Variants in SPICE1 observed in about 807,000 individuals in gnomAD.
SPICE1 encodes spindle and centriole-associated protein 1.
In SPICE1, 75 loss-of-function variants were observed where a neutral mutation model predicts 102.7. The ratio of observed to expected loss-of-function variants is 0.73; its 90% CI spans 0.61 to 0.88. SPICE1 has a LOEUF of 0.88. SPICE1 is among the 40% of genes least tolerant of loss of function. The probability of loss-of-function intolerance (pLI) is 0.00; values close to 1 mark genes in which losing one functional copy is unlikely to be tolerated. For synonymous variants in SPICE1, 308 were observed against 350.3 expected (o/e 0.88, Z 1.35); for missense variants, 979 against 1,020.1 (o/e 0.96, Z 0.55).
chr3:113,462,223 C>T (rs1255429166), intron 11 of SPICE1, among the ~76,000 whole-genome samples: 1 of 152,228 alleles, frequency 6.6e-6, no homozygotes, highest in Non-Finnish European at 1.5e-5. Flanking sequence ...TCCAATAACT[C>T]CTCATGTAAT....
intron 3 of SPICE1, among the ~76,000 whole-genome samples, chr3:113,500,659 T>C (rs1174466818): frequency 6.6e-6 from 1 of 152,224 alleles, no homozygotes; most frequent in African/African-American, 2.4e-5. Context: ...AAATTTTTAA[T>C]AACTATCCTA....
chr3:113,446,606 G>C lies in SPICE1; in HGVS notation c.2497C>G (p.Leu833Val), dbSNP rs776538257. 6.2e-7 allele frequency: 1 copy of C among 1,613,536 alleles called. No individual in the cohort carries two copies. Among genetic ancestry groups the C allele is most frequent in the South Asian group, 1.1e-5 (1 of 90,946 alleles). ...ACGTGTACCTTTGCTCTTGGATTAA[G>C]AGGTGTGAATCTCCCACTTCCTGAG... Reference protein sequence around the residue: ...ATSGSGRFTPLNPRAKIEKQN... With the variant: ...ATSGSGRFTPVNPRAKIEKQN... The change falls in exon 17 of 18, where the codon CTT (leucine) becomes GTT (valine). Residue 833 changes from leucine to valine, a missense_variant. Coordinates refer to ENST00000295872, the MANE Select transcript of SPICE1 (RefSeq NM_144718.4).
chr3:113,448,192 T>C, intron 15 of SPICE1, 52 bp from the exon 16 acceptor site: 1 of 1,454,680 alleles, frequency 6.9e-7, no homozygotes, highest in Non-Finnish European at 9.3e-7. Context: ...GAAATAAAAA[T>C]TTCACTCAAT....
chr3:113,502,754 G>A (rs375398777), intron 3 of SPICE1, among the ~76,000 whole-genome samples: 12 of 151,320 alleles, frequency 7.9e-5, no homozygotes, highest in African/African-American at 2.7e-4. Context: ...AGATTTGAAC[G>A]GGTAGAGAAG....
intron 13 of SPICE1, among the ~76,000 whole-genome samples, chr3:113,454,814 A>G (rs1935743768): frequency 6.6e-6 from 1 of 152,200 alleles, no homozygotes; most frequent in Non-Finnish European, 1.5e-5. Flanking sequence ...TGGAGCCTTA[A>G]AAAGCCAGGA....
chr3:113,453,670 C>T lies in SPICE1; in HGVS notation c.1938G>A (p.Glu646=), dbSNP rs1193322161. 1.9e-6 allele frequency: 3 copies of T among 1,614,108 alleles called. No homozygotes were observed. Among genetic ancestry groups the T allele is most frequent in the Non-Finnish European group, 1.7e-6 (2 of 1,180,008 alleles). Residue 646 remains glutamate, a synonymous_variant, in exon 14 of 18, where the codon GAG becomes GAA. Transcript: ENST00000295872. ...QQSRSPTFSE[E]LPVLGDGQQL... ...GCTGCCCATCTCCCAGTACTGGGAG[C>T]TCTTCTGAGAATGTGGGGCTTCTTG...
At chr3:113,491,946 A>G (rs577044408) in intron 6 of SPICE1, among the ~76,000 whole-genome samples, 86 of 152,348 alleles carry the variant, frequency 5.6e-4, no homozygotes, top group African/African-American at 2.0e-3. Context: ...GCTTTATTCC[A>G]TGTTGCTGGG....
intron 12 of SPICE1, among the ~76,000 whole-genome samples, chr3:113,458,753 G>T (rs372250902): frequency 1.3e-5 from 2 of 151,230 alleles, no homozygotes; most frequent in Non-Finnish European, 2.9e-5. Context: ...CCATCATCCC[G>T]TCTAGGAAGT....
chr3:113,502,092 T>G (rs911710709), intron 3 of SPICE1, among the ~76,000 whole-genome samples: 1 of 152,182 alleles, frequency 6.6e-6, no homozygotes, highest in East Asian at 1.9e-4. Context: ...AGAACTACTA[T>G]GAGCTGGGCG....
chr3:113,512,410 T>TC (rs1937239366), intron 1 of SPICE1, among the ~76,000 whole-genome samples: 1 of 145,684 alleles, frequency 6.9e-6, no homozygotes, highest in Non-Finnish European at 1.5e-5. Context: ...GCTTTCTTTT[T>TC]TTTTTTTTTT....
At chr3:113,505,890 G>C (rs913766298) in intron 2 of SPICE1, among the ~76,000 whole-genome samples, 1 of 151,942 alleles carries the variant, frequency 6.6e-6, no homozygotes, top group African/African-American at 2.4e-5. Context: ...TGGGTGACAG[G>C]ACATGACCCT....
intron 7 of SPICE1, among the ~76,000 whole-genome samples, chr3:113,475,890 TC>T (rs201032526): frequency 0.026 from 3,910 of 152,246 alleles, 64 homozygotes; most frequent in East Asian, 0.053. Context: ...AGGGATGCCC[TC>T]TCTCACTACT....
chr3:113,492,334 T>C (rs2107494068), intron 6 of SPICE1, among the ~76,000 whole-genome samples: 1 of 152,304 alleles, frequency 6.6e-6, no homozygotes, highest in African/African-American at 2.4e-5. Context: ...TCTTTTTTCA[T>C]AGAAACTATA....
Position 113,468,412 on chromosome 3 carries a change from T to G in SPICE1, c.890-8A>C. On this transcript the variant is annotated splice_region_variant and splice_polypyrimidine_tract_variant and intron_variant, in intron 9 of 17. Coordinates refer to ENST00000295872, the MANE Select transcript of SPICE1 (RefSeq NM_144718.4). ...AATTCGGTTTCCTTTTCACTGATAATGAGAGAAGTCATTCTATTTTAAGAC... is the reference window on the plus strand; with the variant it reads ...AATTCGGTTTCCTTTTCACTGATAAGGAGAGAAGTCATTCTATTTTAAGAC... The G allele has an allele frequency of 6.2e-7, 1 of 1,609,230 alleles. No individual in the cohort carries two copies.
rs141328892 is a variant in SPICE1 at position 113,454,982 on chromosome 3, CCCTTGTTATTGAT to C, written c.1658-1045_1658-1033del. Among the ~76,000 whole-genome samples the C allele has an allele frequency of 9.0e-3, 1,363 of 152,244 alleles. 26 individuals carry two copies. The highest frequency in any genetic ancestry group is 0.032 in the African/African-American group (1,310 of 41,530). ...CCTATCCAACCTTAGACTGATGCCA[CCCTTGTTATTGAT>C]CCTTGTAGCCAAGGATAGTTATCTC... On this transcript the variant is annotated intron_variant, in intron 13 of 17. Transcript: ENST00000295872.
chr3:113,447,326 C>T (rs1023426275), intron 16 of SPICE1, among the ~76,000 whole-genome samples: 1 of 152,130 alleles, frequency 6.6e-6, no homozygotes, highest in African/African-American at 2.4e-5. Context: ...CACACAGTTT[C>T]CCCTATTATT....
chr3:113,488,908 C>A (rs769808693), intron 7 of SPICE1, 37 bp downstream of exon 7: 1 of 1,296,224 alleles, frequency 7.7e-7, no homozygotes, highest in South Asian at 1.3e-5. Flanking sequence ...ATGGAAAAAA[C>A]CTGAGAGTTG....
At chr3:113,496,173 A>C (rs569520794) in intron 4 of SPICE1, among the ~76,000 whole-genome samples, 4 of 150,350 alleles carry the variant, frequency 2.7e-5, no homozygotes, top group South Asian at 4.2e-4. Flanking sequence ...AAGCCAAAAG[A>C]CTGGAAACCC....
intron 7 of SPICE1, among the ~76,000 whole-genome samples, chr3:113,477,006 A>C (rs1936366280): frequency 6.6e-6 from 1 of 152,182 alleles, no homozygotes; most frequent in East Asian, 1.9e-4. Flanking sequence ...CAACCTACAA[A>C]ATGGGAGAAA....
Sources: gnomAD v4.1 joint callset for allele counts (sites outside exome capture counted in the v4.1 genomes callset) on GRCh38, gnomAD v4.1.1 for gene constraint, MANE v1.5 for transcripts, NCBI Gene and HGNC (gene_info 2026-07-23, HGNC 2026-07-21) for gene names.